CACHD1: variants seen among roughly 807,000 people sequenced by gnomAD.
CACHD1 encodes the protein cache domain containing 1, also known as VWFA and cache domain-containing protein 1.
In CACHD1, 71 loss-of-function variants were observed where a neutral mutation model predicts 138.7. The observed-to-expected ratio is 0.51, with a 90% confidence interval of 0.42 to 0.62. CACHD1 has a LOEUF of 0.62. CACHD1 is among the 20% of genes least tolerant of loss of function. CACHD1 has a pLI of 0.00. For missense variants in CACHD1, 1,389 were observed against 1,625.3 expected, an observed-to-expected ratio of 0.85 and a Z score of 2.50; for synonymous variants, 578 against 591.5, an observed-to-expected ratio of 0.98 and a Z score of 0.33.
Position 64,676,003 on chromosome 1 carries a change from TAATAATAA to T in CACHD1, c.2975+21_2975+28del. ...GAACCGGTAAAATAATTAATAATAA[TAATAATAA>T]TAATAATAATAATAATAATAATAAT... On this transcript the variant is annotated intron_variant, in intron 21 of 26. Transcript: ENST00000651257. 4.9e-6 allele frequency: 1 copy of T among 205,482 alleles called. No individual in the cohort carries two copies. Among genetic ancestry groups the T allele is most frequent in the Non-Finnish European group, 6.3e-6 (1 of 159,892 alleles). 12.7% of individuals were successfully genotyped at this position (205,482 alleles called of 1,614,324 possible).
chr1:64,589,491 C>T (rs1416612015), intron 3 of CACHD1, among the ~76,000 whole-genome samples: 6 of 151,284 alleles, frequency 4.0e-5, no homozygotes, highest in Non-Finnish European at 5.9e-5. Context: ...TGTGTGCGTG[C>T]GTGTGTGTGT....
chr1:64,536,305 A>G (rs976992602), intron 1 of CACHD1, among the ~76,000 whole-genome samples: 2 of 152,190 alleles, frequency 1.3e-5, no homozygotes, highest in Non-Finnish European at 2.9e-5. Context: ...GCCAGCAGCC[A>G]GAGTCCAACT....
At chr1:64,685,942 A>G (rs1025979718) in intron 26 of CACHD1, among the ~76,000 whole-genome samples, 1 of 152,088 alleles carries the variant, frequency 6.6e-6, no homozygotes, top group Non-Finnish European at 1.5e-5. Flanking sequence ...TGACCTCCCT[A>G]CCTCTGTGCC....
intron 8 of CACHD1, among the ~76,000 whole-genome samples, chr1:64,644,914 G>A (rs576174190): frequency 4.5e-4 from 68 of 152,212 alleles, no homozygotes; most frequent in African/African-American, 1.6e-3. Flanking sequence ...CCTGACCAGC[G>A]TGGTGAAACC....
At chr1:64,634,665 A>G (rs892419018) in intron 7 of CACHD1, among the ~76,000 whole-genome samples, 1 of 152,104 alleles carries the variant, frequency 6.6e-6, no homozygotes, top group African/African-American at 2.4e-5. Context: ...AATTACAAGC[A>G]TGAGTCACCG....
chr1:64,537,129 C>G (rs1218646089), intron 1 of CACHD1, among the ~76,000 whole-genome samples: 2 of 152,094 alleles, frequency 1.3e-5, no homozygotes, highest in Admixed American at 1.3e-4. Flanking sequence ...GTGACAGCAC[C>G]AAAAGGGCTT....
At chr1:64,590,827 T>TC (rs2100555108) in intron 3 of CACHD1, among the ~76,000 whole-genome samples, 1 of 152,332 alleles carries the variant, frequency 6.6e-6, no homozygotes, top group African/African-American at 2.4e-5. Flanking sequence ...TGATGTAAAT[T>TC]ATACCTGAGT....
At chr1:64,590,774 T>C (rs1647093618) in intron 3 of CACHD1, among the ~76,000 whole-genome samples, 1 of 152,202 alleles carries the variant, frequency 6.6e-6, no homozygotes, top group Non-Finnish European at 1.5e-5. Flanking sequence ...TATTTGCAGC[T>C]ACTATGGTGC....
rs776233765 is a variant in CACHD1 at position 64,682,040 on chromosome 1, C to G, written c.3520C>G (p.Arg1174Gly). Reference protein sequence around the residue: ...NTRFIAAVIERHAHSPERRRR... With the variant: ...NTRFIAAVIEGHAHSPERRRR... ...TCGGTTTATAGCTGCGGTCATCGAA[C>G]GACATGCACACAGTCCAGAAAGAAG... The change falls in exon 26 of 27, where the codon CGA becomes GGA. Residue 1174 changes from arginine to glycine, a missense_variant. By Grantham distance (125) the Arg-to-Gly change is moderately radical. Coordinates refer to ENST00000651257, the MANE Select transcript of CACHD1 (RefSeq NM_020925.4). 1.9e-6 allele frequency: 3 copies of G among 1,613,968 alleles called. No individual in the cohort carries two copies. Among genetic ancestry groups the G allele is most frequent in the Non-Finnish European group, 2.5e-6 (3 of 1,180,010 alleles).
At chr1:64,553,713 TC>T (rs772484216) in intron 2 of CACHD1, among the ~76,000 whole-genome samples, 1 of 152,224 alleles carries the variant, frequency 6.6e-6, no homozygotes, top group Non-Finnish European at 1.5e-5. Context: ...GAGAATATCT[TC>T]CTCTCTCCCT....
At chr1:64,640,423 CCCAGCATT>C (rs1648667714) in intron 7 of CACHD1, among the ~76,000 whole-genome samples, 1 of 152,158 alleles carries the variant, frequency 6.6e-6, no homozygotes, top group Non-Finnish European at 1.5e-5. Flanking sequence ...CGCCTGTAAT[CCCAGCATT>C]TTGGGAGGCC....
chr1:64,590,372 G>A (rs1647089741), intron 3 of CACHD1, among the ~76,000 whole-genome samples: 2 of 151,610 alleles, frequency 1.3e-5, no homozygotes, highest in Non-Finnish European at 2.9e-5. Context: ...TGAGCTGCCT[G>A]GAAAGGAATC....
chr1:64,653,853 TTTGAATTAGTTCGGCAAAATATCCTA>T lies in CACHD1; in HGVS notation c.1637_1662del (p.Phe546Ter). 6.2e-7 allele frequency: 1 copy of T among 1,613,394 alleles called. No homozygotes were observed. The highest frequency in any genetic ancestry group is 8.5e-7 in the Non-Finnish European group (1 of 1,179,590). On this transcript the variant is annotated frameshift_variant and splice_region_variant, in exon 11 of 27. Coordinates refer to ENST00000651257, the MANE Select transcript of CACHD1 (RefSeq NM_020925.4). LOFTEE classifies it high-confidence loss of function. ...CATACATTATGAAAATATTCCAAAATTTGAATTAGTTCGGCAAAATATCCTAAGGTAAGGAAAAGGTGAGGGTCATA... is the reference window on the plus strand; with the variant it reads ...CATACATTATGAAAATATTCCAAAATAGGTAAGGAAAAGGTGAGGGTCATA...
intron 4 of CACHD1, among the ~76,000 whole-genome samples, chr1:64,611,456 CA>C (rs1193849215): frequency 6.6e-6 from 1 of 152,210 alleles, no homozygotes; most frequent in African/African-American, 2.4e-5. Flanking sequence ...GTTTTAGAAA[CA>C]GCAAGGTCAA....
At chr1:64,568,283 C>G (rs559970558) in intron 2 of CACHD1, among the ~76,000 whole-genome samples, 10 of 152,216 alleles carry the variant, frequency 6.6e-5, no homozygotes, top group Admixed American at 6.5e-4. Context: ...AACATTGTTA[C>G]GCTTTCTCCC....
chr1:64,524,478 A>G (rs1039335606), intron 1 of CACHD1, among the ~76,000 whole-genome samples: 3 of 152,182 alleles, frequency 2.0e-5, no homozygotes, highest in African/African-American at 7.2e-5. Flanking sequence ...GACATTACCC[A>G]CATTAGTGGC....
intron 14 of CACHD1, 55 bp from the exon 15 acceptor site, chr1:64,664,441 ACT>A: frequency 6.5e-7 from 1 of 1,532,638 alleles, no homozygotes; most frequent in Non-Finnish European, 9.0e-7. Flanking sequence ...CCAGCAGCCC[ACT>A]CTCTTTTCAT....
At chr1:64,501,690 T>C (rs1467923788) in intron 1 of CACHD1, among the ~76,000 whole-genome samples, 2 of 152,222 alleles carry the variant, frequency 1.3e-5, no homozygotes, top group African/African-American at 4.8e-5. Context: ...CACCTTGAAA[T>C]ACTACCTATC....
intron 2 of CACHD1, among the ~76,000 whole-genome samples, chr1:64,566,686 A>T (rs1344875216): frequency 2.7e-5 from 4 of 150,798 alleles, no homozygotes; most frequent in Non-Finnish European, 1.5e-5. Flanking sequence ...GCTTTTTTTT[A>T]AATGGTCTAT....
Sources: gnomAD v4.1 joint callset for allele counts (sites outside exome capture counted in the v4.1 genomes callset) on GRCh38, gnomAD v4.1.1 for gene constraint, MANE v1.5 for transcripts, NCBI Gene and HGNC (gene_info 2026-07-23, HGNC 2026-07-21) for gene names.